The following WT1 variants were observed in gnomAD, a reference collection of about 807,000 sequenced individuals.
The protein encoded by WT1 is WT1 transcription factor.
Under a neutral mutation model 60.8 loss-of-function variants are expected in WT1, and 8 were observed. The ratio of observed to expected loss-of-function variants is 0.13; its 90% confidence interval spans 0.08 to 0.24. The LOEUF is 0.24. Ranked by LOEUF, WT1 falls within the 10% of genes least tolerant of loss-of-function variation. The pLI is 1.00. For synonymous variants in WT1, 312 were observed against 297.1 expected, an observed-to-expected ratio of 1.05 and a Z score of -0.52; for missense variants, 568 against 711.8, an observed-to-expected ratio of 0.80 and a Z score of 2.30.
chr11:32,434,051 A>T (rs995990559), intron 1 of WT1, among the ~76,000 whole-genome samples: 2 of 151,954 alleles, frequency 1.3e-5, no homozygotes, highest in African/African-American at 2.4e-5. Context: ...CCCAGTGAAG[A>T]TCCACTTCTG....
At chr11:32,427,071 G>A (rs1478070340) in intron 3 of WT1, among the ~76,000 whole-genome samples, 1 of 152,180 alleles carries the variant, frequency 6.6e-6, no homozygotes, top group Admixed American at 6.5e-5. Flanking sequence ...GGATCCCCGA[G>A]CACCAGGGAG....
chr11:32,418,445 G>A (rs1483424260), intron 3 of WT1, among the ~76,000 whole-genome samples: 1 of 152,042 alleles, frequency 6.6e-6, no homozygotes, highest in Non-Finnish European at 1.5e-5. Flanking sequence ...AGCTCCATCA[G>A]GAATAAATTT....
At position 32,435,334 on chromosome 11, in the gene WT1, C is replaced by G. The variant is rs556835183; in HGVS notation, c.27G>C (p.Pro9=). The G allele has an allele frequency of 6.5e-7, 1 of 1,530,300 alleles. No individual in the cohort carries two copies. The highest frequency in any genetic ancestry group is 8.7e-7 in the Non-Finnish European group (1 of 1,145,528). The allele number at this position is 1,530,300 out of a possible 1,614,324, so 94.8% of individuals were successfully genotyped here. The change falls in exon 1 of 10, where the codon CCG becomes CCC. Residue 9 remains proline, a synonymous_variant. Transcript: ENST00000452863. ...CCGGCTCCGGGACACACGTGGAAGC[C>G]GGGTCCTGCAGCAAGAGGAAGTCCA...
intron 1 of WT1, chr11:32,430,489 A>G (rs1166140509): frequency 8.9e-6 from 14 of 1,571,800 alleles, no homozygotes; most frequent in African/African-American, 6.9e-5. Flanking sequence ...AGAGAGAGAG[A>G]GACGAAATAG....
At chr11:32,427,141 TC>T (rs1177443688) in intron 3 of WT1, among the ~76,000 whole-genome samples, 1 of 152,066 alleles carries the variant, frequency 6.6e-6, no homozygotes. Flanking sequence ...GCGCTGCTGC[TC>T]CCCGGCCCCC....
chr11:32,428,555 C>T lies in WT1; in HGVS notation c.726G>A (p.Ala242=), dbSNP rs1473494675. 6.2e-7 allele frequency: 1 copy of T among 1,614,074 alleles called. No individual in the cohort carries two copies. Among genetic ancestry groups the T allele is most frequent in the Admixed American group, 1.7e-5 (1 of 60,022 alleles). The stretch of plus-strand genomic sequence containing the variant: ...GCTTGAATGAGTGGTTGGGGAACTG[C>T]GCCGCATGGTGCGAGGGCGTGTGAC... The change falls in exon 2 of 10, where the codon GCG becomes GCA. Residue 242 remains alanine (A), a synonymous_variant. Coordinates refer to ENST00000452863, the MANE Select transcript of WT1 (RefSeq NM_024426.6).
chr11:32,404,035 A>G (rs1852236683), intron 5 of WT1, among the ~76,000 whole-genome samples: 1 of 151,972 alleles, frequency 6.6e-6, no homozygotes, highest in South Asian at 2.1e-4. Context: ...GCACTTTGGG[A>G]GGCCGAGGCA....
intron 3 of WT1, among the ~76,000 whole-genome samples, chr11:32,419,732 C>T (rs190064437): frequency 4.6e-5 from 7 of 152,328 alleles, no homozygotes; most frequent in Admixed American, 3.9e-4. Context: ...CTCACTCTGT[C>T]GCCCAGGTTA....
chr11:32,426,627 C>CA (rs1303335562), intron 3 of WT1, among the ~76,000 whole-genome samples: 2 of 151,294 alleles, frequency 1.3e-5, no homozygotes, highest in Non-Finnish European at 1.5e-5. Context: ...TCCACCCGCC[C>CA]AAAAAAAGTG....
chr11:32,408,557 A>C (rs565834201), intron 5 of WT1, among the ~76,000 whole-genome samples: 37 of 150,978 alleles, frequency 2.5e-4, no homozygotes, highest in African/African-American at 8.5e-4. Context: ...AGAAAGAAAA[A>C]AGAAAAGAAG....
chr11:32,429,998 GA>G (rs112676245), intron 1 of WT1, among the ~76,000 whole-genome samples: 1,476 of 137,106 alleles, frequency 0.011, 21 homozygotes, highest in African/African-American at 0.035. Context: ...AAAAGAAAAA[GA>G]AAAAAAAAAA....
intron 6 of WT1, among the ~76,000 whole-genome samples, chr11:32,398,239 C>T (rs752907835): frequency 2.6e-5 from 4 of 152,310 alleles, no homozygotes; most frequent in Non-Finnish European, 2.9e-5. Flanking sequence ...ACTTGCCCCA[C>T]GTATCATGTG....
intron 5 of WT1, among the ~76,000 whole-genome samples, chr11:32,402,859 A>G (rs759339452): frequency 9.2e-5 from 14 of 152,154 alleles, no homozygotes; most frequent in Non-Finnish European, 1.6e-4. Flanking sequence ...CCTACTTTCC[A>G]CATTTTCTAG....
At chr11:32,430,910 G>T (rs1853284761) in intron 1 of WT1, 1 of 1,092,740 alleles carries the variant, frequency 9.2e-7, no homozygotes, top group Non-Finnish European at 1.1e-6. Flanking sequence ...TTGGCCTGGC[G>T]CGGAGAGTGC....
At chr11:32,417,693 CA>C (rs1157857855) in intron 3 of WT1, 39 bp from the exon 4 acceptor site, 1 of 1,514,866 alleles carries the variant, frequency 6.6e-7, no homozygotes, top group South Asian at 1.1e-5. Context: ...CACATAACCA[CA>C]AAATAATACA....
At chr11:32,424,678 G>C (rs1288227525) in intron 3 of WT1, among the ~76,000 whole-genome samples, 1 of 152,136 alleles carries the variant, frequency 6.6e-6, no homozygotes, top group Admixed American at 6.5e-5. Flanking sequence ...TCTATTCACT[G>C]TTGTTCATAG....
chr11:32,403,177 C>T (rs910087523), intron 5 of WT1, among the ~76,000 whole-genome samples: 1 of 152,086 alleles, frequency 6.6e-6, no homozygotes, highest in Non-Finnish European at 1.5e-5. Context: ...AGCCAGGCCC[C>T]CGCCTATGGG....
chr11:32,435,208 G>A lies in WT1; in HGVS notation c.153C>T (p.Ala51=), dbSNP rs1590411186. 6.5e-6 allele frequency: 10 copies of A among 1,532,922 alleles called. No individual in the cohort carries two copies. The highest frequency in any genetic ancestry group is 4.9e-5 in the East Asian group (2 of 40,880). The allele number at this position is 1,532,922 out of a possible 1,614,324, so 95.0% of individuals were successfully genotyped here. The change falls in exon 1 of 10, where the codon GCC becomes GCT. Residue 51 remains alanine, a synonymous_variant. Transcript: ENST00000452863. ...CCTGGAGACGTTCAGCGCTGGCCTC[G>A]GCGGCGCCTAACTTGGCCCAGATGC...
At chr11:32,412,212 T>G (rs957835652) in intron 5 of WT1, among the ~76,000 whole-genome samples, 6 of 152,196 alleles carry the variant, frequency 3.9e-5, no homozygotes, top group Non-Finnish European at 7.4e-5. Context: ...GGGGATTTTC[T>G]CCAGATTCGA....
Sources: gnomAD v4.1 joint callset for allele counts (sites outside exome capture counted in the v4.1 genomes callset) on GRCh38, gnomAD v4.1.1 for gene constraint, MANE v1.5 for transcripts, NCBI Gene and HGNC (gene_info 2026-07-23, HGNC 2026-07-21) for gene names.